The following OLFM1 variants were observed in gnomAD, a reference collection of about 807,000 sequenced individuals.
The protein encoded by OLFM1 is olfactomedin 1.
OLFM1 carries 9 observed loss-of-function variants against 49.7 expected under a neutral mutation model. That is an observed-to-expected ratio of 0.18 (90% CI 0.11 to 0.32). OLFM1 has a LOEUF of 0.32. OLFM1 is among the 10% of genes least tolerant of loss of function. The probability of loss-of-function intolerance (pLI) is 1.00; values close to 1 mark genes in which losing one functional copy is unlikely to be tolerated. For missense variants in OLFM1, 369 were observed against 661.8 expected, an observed-to-expected ratio of 0.56 and a Z score of 4.85; for synonymous variants, 240 against 271.8, an observed-to-expected ratio of 0.88 and a Z score of 1.15.
In OLFM1 at chr9:135,087,694, G is replaced by C. The variant is rs1290093618; in HGVS notation, c.-296G>C. ...GAGCCGGACGGCGCTTCCCGGTGGC[G>C]GCGGAGGAGCCCGGAGGGACGCAGC... On this transcript the variant is annotated 5_prime_UTR_variant, in exon 1 of 6. Coordinates refer to ENST00000371793, the MANE Select transcript of OLFM1 (RefSeq NM_001282611.2). 2 of 422,314 alleles carry C rather than the reference G, an allele frequency of 4.7e-6. No individual in the cohort carries two copies. The highest frequency in any genetic ancestry group is 2.0e-4 in the South Asian group (2 of 9,904). 26.2% of individuals were successfully genotyped at this position (422,314 alleles called of 1,614,324 possible).
At chr9:135,089,516 C>A (rs1564269378) in intron 1 of OLFM1, among the ~76,000 whole-genome samples, 1 of 152,282 alleles carries the variant, frequency 6.6e-6, no homozygotes, top group African/African-American at 2.4e-5. Flanking sequence ...GTGACCCCTG[C>A]ACAGCATGTC....
chr9:135,077,881 C>T lies in OLFM1; in HGVS notation c.96+2079C>T, dbSNP rs78348112. On this transcript the variant is annotated intron_variant, in intron 1 of 5. Transcript: ENST00000252854. Reference sequence around the variant, plus strand: ...GCCTCAGCAGGTGAAATCACGTCAACGTTTCTGAGTCTCTGAAGGGGGCAG... The same window carrying T: ...GCCTCAGCAGGTGAAATCACGTCAATGTTTCTGAGTCTCTGAAGGGGGCAG... 4.5e-3 allele frequency among the ~76,000 whole-genome samples: 678 copies of T among 152,346 alleles called. 6 individuals are homozygous for T. Among genetic ancestry groups the T allele is most frequent in the African/African-American group, 0.015 (644 of 41,578 alleles).
upstream of OLFM1, chr9:135,087,205 G>T (rs1830608929): frequency 2.2e-6 from 3 of 1,394,088 alleles, no homozygotes; most frequent in East Asian, 5.7e-5. Flanking sequence ...CTGCTTTTCG[G>T]AGCCTGCCCT....
chr9:135,085,995 G>A (rs1223327379), upstream of OLFM1, among the ~76,000 whole-genome samples: 1 of 152,264 alleles, frequency 6.6e-6, no homozygotes, highest in Non-Finnish European at 1.5e-5. Flanking sequence ...TTCTGAGATG[G>A]CCTGACAGTT....
intron 5 of OLFM1, among the ~76,000 whole-genome samples, chr9:135,111,251 C>A (rs117356059): frequency 6.6e-6 from 1 of 152,210 alleles, no homozygotes; most frequent in Non-Finnish European, 1.5e-5. Context: ...AGAACCCACC[C>A]GTTGCTTTAT....
chr9:135,091,725 T>TCACACTCACACATAGTCACACA, intron 2 of OLFM1, among the ~76,000 whole-genome samples: 1 of 2,626 alleles, frequency 3.8e-4, no homozygotes, highest in Admixed American at 3.8e-3. Flanking sequence ...AGTCACACAC[T>TCACACTCACACATAGTCACACA]CATAGTCACA....
At chr9:135,083,207 G>A (rs927890602), upstream of OLFM1, among the ~76,000 whole-genome samples, 4 of 152,198 alleles carry the variant, frequency 2.6e-5, no homozygotes, top group African/African-American at 7.2e-5. Flanking sequence ...AGAGGGTGAC[G>A]TGTCTGCTGA....
upstream of OLFM1, among the ~76,000 whole-genome samples, chr9:135,085,602 C>T (rs549145486): frequency 8.5e-5 from 13 of 152,264 alleles, no homozygotes; most frequent in Non-Finnish European, 1.6e-4. Context: ...TATGATTGTT[C>T]AGAGCTGCAG....
At position 135,080,177 on chromosome 9, in the gene OLFM1, C is replaced by T. The variant is rs1044154385; in HGVS notation, c.96+4375C>T. Reference sequence around the variant, plus strand: ...CCTGAGCAAATCCAACAAGTAGAAACGGCTAAACACTTTTACCTGCTGCAA... The same window carrying T: ...CCTGAGCAAATCCAACAAGTAGAAATGGCTAAACACTTTTACCTGCTGCAA... On this transcript the variant is annotated intron_variant, in intron 1 of 5. Coordinates refer to the OLFM1 transcript ENST00000252854. The surrounding 1 kb of genome is among the most constrained non-coding windows in gnomAD (Gnocchi z 4.5). Among the ~76,000 whole-genome samples, 4 of 151,812 alleles carry T rather than the reference C, an allele frequency of 2.6e-5. No homozygotes were observed. The highest frequency in any genetic ancestry group is 5.9e-5 in the Non-Finnish European group (4 of 68,004).
At chr9:135,105,415 C>T (rs1221516070) in intron 4 of OLFM1, among the ~76,000 whole-genome samples, 3 of 152,222 alleles carry the variant, frequency 2.0e-5, no homozygotes, top group African/African-American at 4.8e-5. Context: ...CCCACAGAAT[C>T]GGAGACGCCT....
intron 5 of OLFM1, among the ~76,000 whole-genome samples, 178 bp from the exon 6 acceptor site, chr9:135,119,326 T>C (rs1410715216): frequency 7.2e-6 from 1 of 139,518 alleles, no homozygotes; most frequent in East Asian, 2.0e-4. Context: ...ACTGGATCTT[T>C]GGAAGTGCTC....
At chr9:135,091,118 G>A (rs953684902) in intron 2 of OLFM1, among the ~76,000 whole-genome samples, 1 of 152,148 alleles carries the variant, frequency 6.6e-6, no homozygotes, top group African/African-American at 2.4e-5. Context: ...GTGGGCACTC[G>A]GACCCACATG....
chr9:135,111,847 T>C (rs1831027368), intron 5 of OLFM1, among the ~76,000 whole-genome samples: 1 of 152,078 alleles, frequency 6.6e-6, no homozygotes, highest in Admixed American at 6.5e-5. Flanking sequence ...GTAGCTGGGA[T>C]TACAGGCGCA....
chr9:135,109,171 C>T (rs1363820123), intron 5 of OLFM1, among the ~76,000 whole-genome samples: 1 of 152,254 alleles, frequency 6.6e-6, no homozygotes, highest in Non-Finnish European at 1.5e-5. Context: ...CTGTCTGTAT[C>T]TAACGCCACA....
rs187278774 is a variant in OLFM1, at chr9:135,095,829, C to T, written c.301-35C>T. ...AGAGAAGATTGCCTGGCACCTACTG[C>T]GGCTGTTTTGCTGAACCTGTTGCCC... On this transcript the variant is annotated intron_variant, in intron 2 of 5. Transcript: ENST00000371793. The T allele has an allele frequency of 1.6e-4, 253 of 1,607,324 alleles. No individual in the cohort carries two copies. The African/African-American group carries it at 2.4e-3, about 15-fold the overall frequency.
At chr9:135,103,844 C>G (rs1588215348) in intron 4 of OLFM1, among the ~76,000 whole-genome samples, 1 of 152,294 alleles carries the variant, frequency 6.6e-6, no homozygotes, top group East Asian at 1.9e-4. Context: ...CTCACAGCAG[C>G]CTTCCGAGGG....
intron 2 of OLFM1, among the ~76,000 whole-genome samples, chr9:135,094,149 T>C (rs1830753944): frequency 6.6e-6 from 1 of 152,098 alleles, no homozygotes. Context: ...ATTTGTATTG[T>C]TGCTTCCTCC....
chr9:135,110,227 A>AC (rs1172830912), intron 5 of OLFM1, among the ~76,000 whole-genome samples: 2 of 151,888 alleles, frequency 1.3e-5, no homozygotes, highest in African/African-American at 4.8e-5. Context: ...GAGTTCTGGG[A>AC]CCCCTTCCCC....
intron 2 of OLFM1, among the ~76,000 whole-genome samples, chr9:135,091,814 TAGTCACACACACTCAC>T (rs1830714000): frequency 1.4e-5 from 1 of 70,856 alleles, no homozygotes; most frequent in African/African-American, 6.2e-5. Flanking sequence ...CACACTCACA[TAGTCACACACACTCAC>T]AGTCACACAC....
Sources: allele counts gnomAD v4.1 joint callset (sites outside exome capture counted in the v4.1 genomes callset), GRCh38; gene constraint gnomAD v4.1.1; non-coding constraint Gnocchi (gnomAD v3.1); transcripts MANE v1.5; gene names NCBI Gene and HGNC (gene_info 2026-07-23, HGNC 2026-07-21).